The following RCSD1 variants were observed in gnomAD, a reference collection of about 807,000 sequenced individuals.
RCSD1 encodes RCSD domain containing 1.
A neutral mutation model predicts 42.5 loss-of-function variants in RCSD1; 26 were observed. That is an observed-to-expected ratio of 0.61 (90% CI 0.45 to 0.85). The LOEUF is 0.85. RCSD1 is among the 40% of genes least tolerant of loss of function. The pLI is 0.00. For synonymous variants in RCSD1, 220 were observed against 212.2 expected (o/e 1.04, Z -0.32); for missense variants, 571 against 528.3 (o/e 1.08, Z -0.79).
intron 4 of RCSD1, among the ~76,000 whole-genome samples, chr1:167,692,204 G>A (rs1659393819): frequency 1.3e-5 from 2 of 152,326 alleles, no homozygotes; most frequent in East Asian, 3.9e-4. Context: ...GAATATGTGG[G>A]AGAAACAGCT....
intron 1 of RCSD1, among the ~76,000 whole-genome samples, chr1:167,666,970 G>A (rs986358827): frequency 1.3e-5 from 2 of 152,238 alleles, no homozygotes; most frequent in Non-Finnish European, 2.9e-5. Context: ...GGAGACCCCT[G>A]CAATAGAACT....
intron 1 of RCSD1, among the ~76,000 whole-genome samples, chr1:167,643,068 T>G (rs954587381): frequency 6.6e-6 from 1 of 152,358 alleles, no homozygotes; most frequent in Non-Finnish European, 1.5e-5. Flanking sequence ...TTCCGTGCTC[T>G]GTAAAACCGA....
intron 1 of RCSD1, among the ~76,000 whole-genome samples, chr1:167,668,287 G>GA (rs760541289): frequency 3.5e-3 from 491 of 141,926 alleles, no homozygotes; most frequent in Non-Finnish European, 3.7e-3. Context: ...TCCGTCTCCA[G>GA]AAAAAAAAAA....
At chr1:167,665,867 G>A (rs560469440) in intron 1 of RCSD1, among the ~76,000 whole-genome samples, 2 of 151,532 alleles carry the variant, frequency 1.3e-5, no homozygotes, top group South Asian at 2.1e-4. Flanking sequence ...TCTGGAGTGC[G>A]GTGGCATGAT....
chr1:167,646,883 A>C (rs1264536712), intron 1 of RCSD1, among the ~76,000 whole-genome samples: 2 of 152,122 alleles, frequency 1.3e-5, no homozygotes, highest in East Asian at 1.9e-4. Context: ...TAATCCCAGC[A>C]CTTTGGGAGG....
intron 1 of RCSD1, among the ~76,000 whole-genome samples, chr1:167,651,502 G>A (rs1458774668): frequency 6.6e-6 from 1 of 152,204 alleles, no homozygotes; most frequent in African/African-American, 2.4e-5. Flanking sequence ...GCCGACCTGG[G>A]CCCAGCTTCC....
intron 1 of RCSD1, among the ~76,000 whole-genome samples, chr1:167,647,313 G>A (rs1367213438): frequency 6.6e-6 from 1 of 151,894 alleles, no homozygotes; most frequent in African/African-American, 2.4e-5. Flanking sequence ...AAGGGGCCAA[G>A]CACAGTGGCT....
rs561423362 is a variant in RCSD1, at chr1:167,693,651, G to A, written c.271-448G>A. On this transcript the variant is annotated intron_variant, in intron 4 of 6. Coordinates refer to ENST00000367854, the MANE Select transcript of RCSD1 (RefSeq NM_052862.4). ...CAATGAGAACACAGCTGAACGTGTG[G>A]GGTTGCTGTGGAGGACACAGCTACA... 3.3e-5 allele frequency among the ~76,000 whole-genome samples: 5 copies of A among 152,280 alleles called. No individual in the cohort carries two copies. In the East Asian group the frequency reaches 9.6e-4, roughly 29 times the overall value.
intron 1 of RCSD1, among the ~76,000 whole-genome samples, chr1:167,666,460 T>C (rs1658658681): frequency 6.6e-6 from 1 of 152,194 alleles, no homozygotes; most frequent in Non-Finnish European, 1.5e-5. Context: ...TCAAAACCAG[T>C]TTCTAAAGAG....
At chr1:167,701,319 T>TCTTTCTTTCTTTCTTTCTTTCTTTCTTTC (rs1553252220) in intron 6 of RCSD1, among the ~76,000 whole-genome samples, 43 of 136,986 alleles carry the variant, frequency 3.1e-4, no homozygotes, top group Admixed American at 9.0e-4. Flanking sequence ...TTTCTTTCTT[T>TCTTTCTTTCTTTCTTTCTTTCTTTCTTTC]TTTTTAGATG....
At chr1:167,699,320 A>G (rs979845145) in intron 6 of RCSD1, among the ~76,000 whole-genome samples, 10 of 152,152 alleles carry the variant, frequency 6.6e-5, no homozygotes, top group African/African-American at 2.4e-4. Flanking sequence ...CAGACCTTCA[A>G]AATTAAGTTG....
At chr1:167,688,003 A>G (rs1357106034) in intron 3 of RCSD1, among the ~76,000 whole-genome samples, 2 of 152,172 alleles carry the variant, frequency 1.3e-5, no homozygotes. Context: ...AGCTATATAT[A>G]TACATATACA....
intron 1 of RCSD1, among the ~76,000 whole-genome samples, chr1:167,667,404 A>G (rs949024496): frequency 2.6e-5 from 4 of 152,246 alleles, no homozygotes. Flanking sequence ...CTTCTGCATT[A>G]TAACTTTCTT....
chr1:167,641,093 T>C (rs1031338313), intron 1 of RCSD1, among the ~76,000 whole-genome samples: 1 of 152,220 alleles, frequency 6.6e-6, no homozygotes, highest in Non-Finnish European at 1.5e-5. Flanking sequence ...TACAGCTGTG[T>C]CATCCATACC....
At chr1:167,683,803 T>C (rs1486390419) in intron 1 of RCSD1, 97 bp from the exon 2 acceptor site, 2 of 1,131,190 alleles carry the variant, frequency 1.8e-6, no homozygotes, top group Non-Finnish European at 2.6e-6. Context: ...AATACCTCAC[T>C]GTCACAGCAT....
intron 1 of RCSD1, among the ~76,000 whole-genome samples, chr1:167,660,799 C>A (rs1343023217): frequency 1.3e-5 from 2 of 152,096 alleles, no homozygotes; most frequent in African/African-American, 4.8e-5. Context: ...ATTTGATATA[C>A]CCTGGTTTCA....
intron 1 of RCSD1, among the ~76,000 whole-genome samples, chr1:167,658,135 G>A (rs1472115471): frequency 6.6e-6 from 1 of 152,042 alleles, no homozygotes; most frequent in Non-Finnish European, 1.5e-5. Context: ...GACACACTGG[G>A]TTTATGCAGC....
chr1:167,648,655 T>A lies in RCSD1; in HGVS notation c.6+18226T>A, dbSNP rs906588412. 2.6e-5 allele frequency among the ~76,000 whole-genome samples: 4 copies of A among 152,156 alleles called. No individual in the cohort carries two copies. The South Asian group carries it at 8.3e-4, about 32-fold the overall frequency. ...GAAGCAATCATATGGTAGTTCCCGC[T>A]GGAGCAGCTGCAGATAGGGGGAAGT... On this transcript the variant is annotated intron_variant, in intron 1 of 6. Coordinates refer to ENST00000367854, the MANE Select transcript of RCSD1 (RefSeq NM_052862.4).
At position 167,678,964 on chromosome 1, in the gene RCSD1, CCT is replaced by C. The variant is rs150836744; in HGVS notation, c.7-4935_7-4934del. The stretch of plus-strand genomic sequence containing the variant: ...TCCCACATTCCCATAAAATAAGTGC[CCT>C]GTTTTATTTTCTTCACAGCGTTTAA... On this transcript the variant is annotated intron_variant, in intron 1 of 6. Coordinates refer to ENST00000367854, the MANE Select transcript of RCSD1 (RefSeq NM_052862.4). Among the ~76,000 whole-genome samples, 708 of 152,292 alleles carry C rather than the reference CCT, an allele frequency of 4.6e-3. 5 individuals carry two copies. The highest frequency in any genetic ancestry group is 0.017 in the African/African-American group (687 of 41,556).
Sources: gnomAD v4.1 joint callset for allele counts (sites outside exome capture counted in the v4.1 genomes callset) on GRCh38, gnomAD v4.1.1 for gene constraint, MANE v1.5 for transcripts, NCBI Gene and HGNC (gene_info 2026-07-23, HGNC 2026-07-21) for gene names.